VPS54: variants seen among roughly 807,000 people sequenced by gnomAD.
The protein encoded by VPS54 is vacuolar protein sorting-associated protein 54.
A neutral mutation model predicts 121.5 loss-of-function variants in VPS54; 45 were observed. That is an observed-to-expected ratio of 0.37 (90% CI 0.29 to 0.47). The LOEUF (loss-of-function observed/expected upper bound fraction) is 0.47, where lower values mean the gene tolerates loss of function less well. Among genes scored for constraint, VPS54 ranks in the 20% least tolerant of loss-of-function variants. The pLI is 0.99. For missense variants in VPS54, 1,090 were observed against 1,131.4 expected (o/e 0.96, Z 0.52); for synonymous variants, 371 against 385.8 (o/e 0.96, Z 0.45).
intron 1 of VPS54, among the ~76,000 whole-genome samples, chr2:63,987,747 T>C (rs545598607): frequency 6.6e-6 from 1 of 152,352 alleles, no homozygotes; most frequent in Admixed American, 6.5e-5. Flanking sequence ...TTTTCACTTT[T>C]TTGGTTAACT....
At chr2:63,943,640 T>C (rs1276804283) in intron 10 of VPS54, among the ~76,000 whole-genome samples, 2 of 152,104 alleles carry the variant, frequency 1.3e-5, no homozygotes, top group Non-Finnish European at 1.5e-5. Flanking sequence ...AATATCCATA[T>C]GAACAAGAAA....
At chr2:63,939,668 AC>A (rs1218081259) in intron 11 of VPS54, among the ~76,000 whole-genome samples, 2 of 152,010 alleles carry the variant, frequency 1.3e-5, no homozygotes, top group Non-Finnish European at 2.9e-5. Context: ...CCACCAAAAA[AC>A]CCCAAAGTTT....
intron 16 of VPS54, among the ~76,000 whole-genome samples, chr2:63,915,878 C>A (rs1442537249): frequency 6.6e-6 from 1 of 152,104 alleles, no homozygotes; most frequent in Non-Finnish European, 1.5e-5. Context: ...AACGGTAAGA[C>A]CTCATCTCTA....
chr2:63,941,378 C>T (rs768081758), intron 11 of VPS54, among the ~76,000 whole-genome samples: 2 of 150,540 alleles, frequency 1.3e-5, no homozygotes, highest in Admixed American at 6.6e-5. Flanking sequence ...GTGTGCATCA[C>T]TATGCTTGGC....
chr2:63,895,411 G>T (rs1038427509), intron 22 of VPS54, among the ~76,000 whole-genome samples: 3 of 152,098 alleles, frequency 2.0e-5, no homozygotes, highest in Non-Finnish European at 2.9e-5. Context: ...CTGAGATCAC[G>T]CCACTGCGCT....
At chr2:63,941,663 TAA>T (rs1674737140) in intron 11 of VPS54, among the ~76,000 whole-genome samples, 1 of 152,148 alleles carries the variant, frequency 6.6e-6, no homozygotes, top group Admixed American at 6.5e-5. Flanking sequence ...GTGGCTTGAC[TAA>T]AGAGACAAAA....
chr2:63,985,354 A>G (rs1054208652), intron 1 of VPS54, among the ~76,000 whole-genome samples: 14 of 152,086 alleles, frequency 9.2e-5, no homozygotes, highest in Admixed American at 7.2e-4. Context: ...TAAGGAGCAG[A>G]GATATGAGGC....
chr2:63,948,109 G>A (rs1340439605), intron 8 of VPS54, among the ~76,000 whole-genome samples: 1 of 152,090 alleles, frequency 6.6e-6, no homozygotes, highest in East Asian at 1.9e-4. Flanking sequence ...TGGATTATAG[G>A]CCTGACCCAC....
intron 5 of VPS54, among the ~76,000 whole-genome samples, chr2:63,966,404 CAAT>C (rs1426729249): frequency 6.6e-6 from 1 of 152,134 alleles, no homozygotes; most frequent in Non-Finnish European, 1.5e-5. Flanking sequence ...ATTAAGCATA[CAAT>C]AAATATTAAA....
At chr2:63,999,396 G>A (rs928554404) in intron 1 of VPS54, among the ~76,000 whole-genome samples, 24 of 151,984 alleles carry the variant, frequency 1.6e-4, no homozygotes, top group Admixed American at 4.6e-4. Context: ...TTTTTCCTTC[G>A]GCATTTGAAA....
Position 63,920,581 on chromosome 2 carries a change from G to T in VPS54, c.1916C>A (p.Ser639Tyr), listed in dbSNP as rs747669772. ...KLNSMEFITL[S>Y]RLMETFILDT... is the part of the protein sequence containing the mutation. Reference sequence around the variant, plus strand: ...TAAAATGAATGTTTCCATTAATCTAGAAAGTGTTATGAATTCCATGGAATT... The same window carrying T: ...TAAAATGAATGTTTCCATTAATCTATAAAGTGTTATGAATTCCATGGAATT... The change falls in exon 14 of 23, where the codon TCT (serine) becomes TAT (tyrosine). Residue 639 changes from serine (S) to tyrosine (Y), a missense_variant. Ser to Tyr is a moderately radical substitution (Grantham distance 144). This residue lies in a region of VPS54 where 801 missense variants were observed against 757.0 expected (regional missense o/e 1.06). Coordinates refer to ENST00000272322, the MANE Select transcript of VPS54 (RefSeq NM_016516.3). The T allele has an allele frequency of 6.4e-7, 1 of 1,559,860 alleles. No homozygotes were observed. Among genetic ancestry groups the T allele is most frequent in the South Asian group, 1.2e-5 (1 of 82,412 alleles).
At chr2:63,978,128 G>A (rs1676633425) in intron 3 of VPS54, among the ~76,000 whole-genome samples, 3 of 152,246 alleles carry the variant, frequency 2.0e-5, no homozygotes, top group African/African-American at 7.2e-5. Context: ...CTTCACAGGT[G>A]CTTCTCAGTT....
chr2:63,901,246 G>A (rs1312621460), intron 20 of VPS54, among the ~76,000 whole-genome samples: 2 of 152,202 alleles, frequency 1.3e-5, no homozygotes, highest in East Asian at 3.8e-4. Context: ...AGAGAACAGA[G>A]ATCAGGGGAA....
chr2:63,981,713 A>C lies in VPS54; in HGVS notation c.311T>G (p.Ile104Arg), dbSNP rs774848806. ...GATCTGTGGGAGGTAGAATGAAGGT[A>C]TGACTTCAGTGTCCACAAAGTCCAA... Reference protein sequence around the residue: ...WGLDFVDTEVIPSFYLPQISK... With the variant: ...WGLDFVDTEVRPSFYLPQISK... Residue 104 changes from isoleucine to arginine, a missense_variant, in exon 3 of 23, where the codon ATA becomes AGA. Ile to Arg is a moderately conservative substitution (Grantham distance 97). This residue lies in a region of VPS54 where 801 missense variants were observed against 757.0 expected (regional missense o/e 1.06). Coordinates refer to ENST00000272322, the MANE Select transcript of VPS54 (RefSeq NM_016516.3). 5.0e-6 allele frequency: 8 copies of C among 1,613,486 alleles called. No homozygotes were observed. The highest frequency in any genetic ancestry group is 6.8e-6 in the Non-Finnish European group (8 of 1,179,700).
intron 1 of VPS54, 53 bp from the exon 2 acceptor site, chr2:63,984,072 A>G: frequency 2.2e-6 from 3 of 1,383,772 alleles, no homozygotes; most frequent in Non-Finnish European, 2.8e-6. Context: ...AAATCCAAGT[A>G]TTATACATGT....
intron 9 of VPS54, among the ~76,000 whole-genome samples, chr2:63,947,054 T>C (rs1379394960): frequency 1.3e-5 from 2 of 151,856 alleles, no homozygotes; most frequent in African/African-American, 2.4e-5. Flanking sequence ...ATAATGTTAA[T>C]GGGACTTTAC....
At chr2:64,009,228 T>C (rs951249594) in intron 1 of VPS54, among the ~76,000 whole-genome samples, 2 of 152,270 alleles carry the variant, frequency 1.3e-5, no homozygotes, top group Non-Finnish European at 2.9e-5. Flanking sequence ...TATGTTCATC[T>C]TCTATTGAAT....
chr2:63,993,090 T>TA (rs1310685607), intron 1 of VPS54, among the ~76,000 whole-genome samples: 2 of 152,204 alleles, frequency 1.3e-5, no homozygotes, highest in Non-Finnish European at 2.9e-5. Flanking sequence ...GCTGCTGTGT[T>TA]AGAGGCTGGA....
At chr2:63,925,819 G>A (rs975458770) in intron 12 of VPS54, among the ~76,000 whole-genome samples, 2 of 152,216 alleles carry the variant, frequency 1.3e-5, no homozygotes. Flanking sequence ...ATGGGAAGGA[G>A]TAGTGTAGTA....
Sources: gnomAD v4.1 joint callset for allele counts (sites outside exome capture counted in the v4.1 genomes callset) on GRCh38, gnomAD v4.1.1 for gene constraint, gnomAD v4.1.1 regional missense constraint, MANE v1.5 for transcripts, NCBI Gene and HGNC (gene_info 2026-07-23, HGNC 2026-07-21) for gene names.